The following NTNG1 variants were observed in gnomAD, a reference collection of about 807,000 sequenced individuals.
NTNG1 encodes netrin G1.
In NTNG1, 16 loss-of-function variants were observed where a neutral mutation model predicts 54.0. The ratio of observed to expected loss-of-function variants is 0.30; its 90% CI spans 0.20 to 0.45. The LOEUF (loss-of-function observed/expected upper bound fraction) is 0.45, where lower values mean the gene tolerates loss of function less well. NTNG1 is among the 20% of genes least tolerant of loss of function. The pLI is 1.00. For missense variants in NTNG1, 530 were observed against 678.7 expected (o/e 0.78, Z 2.43); for synonymous variants, 255 against 263.1 (o/e 0.97, Z 0.30).
intron 7 of NTNG1, among the ~76,000 whole-genome samples, chr1:107,448,898 A>C (rs762534204): frequency 1.3e-5 from 2 of 152,078 alleles, no homozygotes; most frequent in Non-Finnish European, 2.9e-5. Flanking sequence ...GTTAATAATA[A>C]ATATTTTAAT....
chr1:107,165,230 A>G (rs1655700604), intron 2 of NTNG1, among the ~76,000 whole-genome samples: 1 of 152,194 alleles, frequency 6.6e-6, no homozygotes, highest in Non-Finnish European at 1.5e-5. Flanking sequence ...GAAGAGAACC[A>G]GGAAGTTAAA....
chr1:107,442,578 C>T (rs1676033542), intron 7 of NTNG1, among the ~76,000 whole-genome samples: 1 of 151,884 alleles, frequency 6.6e-6, no homozygotes, highest in Non-Finnish European at 1.5e-5. Context: ...GTTCAAATGA[C>T]AAAAATGTAA....
intron 7 of NTNG1, 121 bp from the exon 8 acceptor site, chr1:107,480,490 G>A (rs992779408): frequency 4.7e-6 from 3 of 642,170 alleles, no homozygotes; most frequent in African/African-American, 3.7e-5. Context: ...GGAGGGGGGA[G>A]CACAAAGATC....
intron 2 of NTNG1, among the ~76,000 whole-genome samples, chr1:107,267,382 A>G (rs921061490): frequency 1.6e-4 from 25 of 152,188 alleles, no homozygotes; most frequent in Admixed American, 4.6e-4. Flanking sequence ...ATGAATTTGC[A>G]TAGAGGTAAA....
chr1:107,308,490 T>C (rs990728505), intron 2 of NTNG1, among the ~76,000 whole-genome samples: 1 of 152,164 alleles, frequency 6.6e-6, no homozygotes, highest in African/African-American at 2.4e-5. Context: ...CTGGGCTCTC[T>C]ATTCTGTTCC....
chr1:107,249,159 C>CAATAAT (rs71095305), intron 2 of NTNG1, among the ~76,000 whole-genome samples: 74,944 of 143,530 alleles, frequency 0.52, 23,021 homozygotes, highest in Non-Finnish European at 0.68. Flanking sequence ...GACTCTATCT[C>CAATAAT]AATAATAATA....
intron 2 of NTNG1, among the ~76,000 whole-genome samples, chr1:107,210,738 T>C (rs1659543716): frequency 6.6e-6 from 1 of 152,192 alleles, no homozygotes; most frequent in Non-Finnish European, 1.5e-5. Flanking sequence ...AAGATTCAAA[T>C]TCTAATCTCT....
chr1:107,455,313 C>T (rs1020229986), intron 7 of NTNG1, among the ~76,000 whole-genome samples: 6 of 152,212 alleles, frequency 3.9e-5, no homozygotes, highest in African/African-American at 1.4e-4. Flanking sequence ...ATCTTCCCGC[C>T]TCAGCCTCCC....
At chr1:107,268,605 G>C (rs1461680806) in intron 2 of NTNG1, among the ~76,000 whole-genome samples, 1 of 151,582 alleles carries the variant, frequency 6.6e-6, no homozygotes, top group African/African-American at 2.4e-5. Context: ...ATGGCTTTAA[G>C]TGTGAACTAT....
intron 6 of NTNG1, among the ~76,000 whole-genome samples, chr1:107,434,509 A>G (rs533919017): frequency 5.4e-4 from 82 of 152,314 alleles, no homozygotes; most frequent in African/African-American, 1.9e-3. Context: ...CTGAGTAATC[A>G]CTGTTAATAA....
At chr1:107,240,055 A>G (rs1661716835) in intron 2 of NTNG1, among the ~76,000 whole-genome samples, 1 of 152,212 alleles carries the variant, frequency 6.6e-6, no homozygotes, top group Non-Finnish European at 1.5e-5. Context: ...CTATCAATGC[A>G]GAAGGTTCCA....
At chr1:107,418,573 C>G (rs183306683) in intron 5 of NTNG1, 1 of 1,584,922 alleles carries the variant, frequency 6.3e-7, no homozygotes, top group Non-Finnish European at 8.6e-7. Context: ...TTTCCTGATG[C>G]GTGCAGATCC....
chr1:107,353,608 C>T (rs1264262944), intron 3 of NTNG1, among the ~76,000 whole-genome samples: 2 of 152,208 alleles, frequency 1.3e-5, no homozygotes, highest in Non-Finnish European at 2.9e-5. Context: ...GCACTCCACA[C>T]TCCTCCAGCC....
chr1:107,193,904 C>G (rs1450153456), intron 2 of NTNG1, among the ~76,000 whole-genome samples: 1 of 151,780 alleles, frequency 6.6e-6, no homozygotes, highest in Non-Finnish European at 1.5e-5. Flanking sequence ...CTCTCTCCTC[C>G]TTAAATGTTT....
chr1:107,231,085 T>G (rs1361801990), intron 2 of NTNG1, among the ~76,000 whole-genome samples: 1 of 152,108 alleles, frequency 6.6e-6, no homozygotes, highest in Non-Finnish European at 1.5e-5. Flanking sequence ...TGACTGAGAG[T>G]CTCTGTTTCC....
At chr1:107,347,457 G>A (rs1471304044) in intron 3 of NTNG1, among the ~76,000 whole-genome samples, 1 of 152,222 alleles carries the variant, frequency 6.6e-6, no homozygotes, top group African/African-American at 2.4e-5. Flanking sequence ...TGAGGCCGCA[G>A]TGAGCCGAGA....
intron 1 of NTNG1, among the ~76,000 whole-genome samples, chr1:107,144,167 T>C (rs892048230): frequency 1.3e-5 from 2 of 152,188 alleles, no homozygotes; most frequent in African/African-American, 4.8e-5. Context: ...AAATATCTTA[T>C]GTAATAAATT....
intron 4 of NTNG1, among the ~76,000 whole-genome samples, chr1:107,397,978 A>T (rs189006925): frequency 5.1e-4 from 76 of 147,770 alleles, no homozygotes; most frequent in Non-Finnish European, 9.3e-4. Flanking sequence ...ATACAGGTAC[A>T]CACACACACA....
Position 107,430,836 on chromosome 1 carries a change from A to G in NTNG1, c.1174A>G (p.Arg392Gly), listed in dbSNP as rs1042452198. 8.1e-6 allele frequency: 13 copies of G among 1,613,332 alleles called. No homozygotes were observed. The highest frequency in any genetic ancestry group is 1.1e-5 in the South Asian group (1 of 91,068). Reference sequence around the variant, plus strand: ...TTGCGTGAGCTGTAAACACAACACTAGAGGGCAGCACTGTGAGTTATGCAG... The same window carrying G: ...TTGCGTGAGCTGTAAACACAACACTGGAGGGCAGCACTGTGAGTTATGCAG... ...VICVSCKHNT[R>G]GQHCELCRLG... is the part of the protein sequence containing the mutation. The change falls in exon 6 of 8, where the codon AGA becomes GGA. Residue 392 changes from arginine (R) to glycine (G), a missense_variant. Physicochemically the swap from Arg to Gly is moderately radical, Grantham distance 125. Around this residue, in one of 2 missense-constraint regions of NTNG1, gnomAD observed 212 missense variants for 213.6 expected, o/e 0.99. Coordinates refer to ENST00000370068, the MANE Select transcript of NTNG1 (RefSeq NM_001113226.3).
Sources: allele counts gnomAD v4.1 joint callset (sites outside exome capture counted in the v4.1 genomes callset), GRCh38; gene constraint gnomAD v4.1.1; regional missense constraint gnomAD v4.1.1; transcripts MANE v1.5; gene names NCBI Gene and HGNC (gene_info 2026-07-23, HGNC 2026-07-21).